The following CDC42BPA variants were observed in gnomAD, a reference collection of about 807,000 sequenced individuals.
CDC42BPA encodes the protein serine/threonine-protein kinase MRCK alpha.
Under a neutral mutation model 223.5 loss-of-function variants are expected in CDC42BPA, and 80 were observed. That is an observed-to-expected ratio of 0.36 (90% CI 0.30 to 0.43). The LOEUF is 0.43. Ranked by LOEUF, CDC42BPA falls within the 20% of genes least tolerant of loss-of-function variation. The pLI is 1.00. For missense variants in CDC42BPA, 1,743 were observed against 2,099.9 expected (o/e 0.83, Z 3.32); for synonymous variants, 694 against 718.6 (o/e 0.97, Z 0.55).
chr1:227,095,589 G>GTTTTTTT (rs35570582), intron 15 of CDC42BPA, among the ~76,000 whole-genome samples: 1 of 127,594 alleles, frequency 7.8e-6, no homozygotes. Context: ...AAGTTCTTTG[G>GTTTTTTT]TTTTTTTTTT....
chr1:227,240,728 C>T (rs1397210430), intron 2 of CDC42BPA, among the ~76,000 whole-genome samples: 1 of 151,356 alleles, frequency 6.6e-6, no homozygotes, highest in Non-Finnish European at 1.5e-5. Flanking sequence ...GATATCACAT[C>T]AGACATGAAT....
intron 1 of CDC42BPA, among the ~76,000 whole-genome samples, chr1:227,290,865 TAGCATAA>T (rs1344376359): frequency 6.6e-6 from 1 of 152,126 alleles, no homozygotes; most frequent in Non-Finnish European, 1.5e-5. Context: ...ACACAAAGTA[TAGCATAA>T]AGCTTTACTA....
At chr1:227,018,808 T>C (rs1344390242) in intron 32 of CDC42BPA, among the ~76,000 whole-genome samples, 2 of 152,216 alleles carry the variant, frequency 1.3e-5, no homozygotes, top group Admixed American at 1.3e-4. Flanking sequence ...CTGTTAAGTG[T>C]GCAACAGTAC....
intron 1 of CDC42BPA, among the ~76,000 whole-genome samples, chr1:227,275,573 T>C (rs906486804): frequency 1.3e-5 from 2 of 151,176 alleles, no homozygotes; most frequent in Admixed American, 6.6e-5. Context: ...ATATTAGAAA[T>C]GAAAAAATGT....
chr1:227,223,956 T>C (rs1676390935), intron 2 of CDC42BPA, among the ~76,000 whole-genome samples: 1 of 152,190 alleles, frequency 6.6e-6, no homozygotes, highest in Admixed American at 6.5e-5. Context: ...TGAGCACGTT[T>C]AAGGTAGGCT....
chr1:227,208,663 T>C (rs1400317932), intron 3 of CDC42BPA, among the ~76,000 whole-genome samples: 4 of 149,244 alleles, frequency 2.7e-5, no homozygotes, highest in Non-Finnish European at 4.5e-5. Context: ...ATCAGATAGT[T>C]GTAGATATGT....
chr1:227,074,172 G>T, intron 18 of CDC42BPA, 87 bp downstream of exon 18: 1 of 1,315,932 alleles, frequency 7.6e-7, no homozygotes, highest in Non-Finnish European at 1.1e-6. Context: ...TAAACAAACT[G>T]ATATAAGTAA....
chr1:227,163,596 T>C (rs963728040), intron 5 of CDC42BPA, among the ~76,000 whole-genome samples: 4 of 152,024 alleles, frequency 2.6e-5, no homozygotes, highest in East Asian at 1.9e-4. Flanking sequence ...GTTGTAAAAA[T>C]TGTGTGTGCA....
intron 1 of CDC42BPA, among the ~76,000 whole-genome samples, chr1:227,297,967 T>TATATATATATATACACACACACACAC (rs369403944): frequency 3.3e-4 from 43 of 132,062 alleles, no homozygotes; most frequent in African/African-American, 1.1e-3. Flanking sequence ...TATATACATA[T>TATATATATATATACACACACACACAC]ACACACACAC....
chr1:227,044,120 A>G (rs1336966731), intron 23 of CDC42BPA, among the ~76,000 whole-genome samples: 1 of 152,224 alleles, frequency 6.6e-6, no homozygotes, highest in African/African-American at 2.4e-5. Flanking sequence ...ATTTCTTCAC[A>G]TGCTTGTTGA....
intron 2 of CDC42BPA, among the ~76,000 whole-genome samples, chr1:227,232,435 C>T (rs1325605785): frequency 6.6e-6 from 1 of 152,130 alleles, no homozygotes; most frequent in Non-Finnish European, 1.5e-5. Context: ...TTTGTCCGTC[C>T]AGCTTTGTTC....
At chr1:227,066,108 C>A (rs1276638356) in intron 21 of CDC42BPA, among the ~76,000 whole-genome samples, 1 of 152,016 alleles carries the variant, frequency 6.6e-6, no homozygotes, top group Non-Finnish European at 1.5e-5. Flanking sequence ...AATCCAAGTG[C>A]AGCCGGGCGT....
chr1:227,240,055 AACT>A (rs1264501849), intron 2 of CDC42BPA, among the ~76,000 whole-genome samples: 2 of 152,134 alleles, frequency 1.3e-5, no homozygotes, highest in African/African-American at 4.8e-5. Flanking sequence ...ATAACAACAA[AACT>A]ACTAAAAAAT....
chr1:226,992,701 TAA>T lies in CDC42BPA; in HGVS notation c.*1565_*1566del, dbSNP rs1180300049. ...TTCTCAGAGAAACTTAGGTGAAAAG[TAA>T]AAGAGAGGCAAAATCTCTTTCCTTC... On this transcript the variant is annotated 3_prime_UTR_variant, in exon 37 of 37. Transcript: ENST00000366766. 1.3e-5 allele frequency: 2 copies of T among 152,276 alleles called. No homozygotes were observed. Among genetic ancestry groups the T allele is most frequent in the African/African-American group, 2.4e-5 (1 of 41,476 alleles). The allele number at this position is 152,276 out of a possible 1,614,324, so 9.4% of individuals were successfully genotyped here. A position where few individuals can be genotyped will look rare whatever the true frequency, so the allele number is the denominator to read the frequency against.
At chr1:227,174,595 C>T (rs1197233593) in intron 5 of CDC42BPA, among the ~76,000 whole-genome samples, 1 of 152,054 alleles carries the variant, frequency 6.6e-6, no homozygotes, top group Non-Finnish European at 1.5e-5. Context: ...ACACTTTACT[C>T]AACCACATTA....
intron 23 of CDC42BPA, among the ~76,000 whole-genome samples, chr1:227,042,990 T>TAC (rs1671700096): frequency 6.6e-6 from 1 of 152,180 alleles, no homozygotes; most frequent in Non-Finnish European, 1.5e-5. Flanking sequence ...TAGAACCAAG[T>TAC]ACAACTCTTG....
intron 35 of CDC42BPA, among the ~76,000 whole-genome samples, chr1:226,997,090 C>T (rs1437578801): frequency 6.6e-6 from 1 of 152,084 alleles, no homozygotes; most frequent in Non-Finnish European, 1.5e-5. Flanking sequence ...CTGGTCCTGC[C>T]TTTTTTTAGC....
intron 1 of CDC42BPA, among the ~76,000 whole-genome samples, chr1:227,273,403 T>TAA (rs777554884): frequency 6.8e-5 from 10 of 147,138 alleles, no homozygotes; most frequent in Non-Finnish European, 1.3e-4. Flanking sequence ...CCATCTCTAC[T>TAA]AAAAAAATAC....
At chr1:227,129,312 G>A (rs1027988057) in intron 10 of CDC42BPA, 81 bp from the exon 11 acceptor site, 4 of 1,023,144 alleles carry the variant, frequency 3.9e-6, no homozygotes, top group South Asian at 3.1e-5. Flanking sequence ...TTTTTGGAGA[G>A]AAATTCTTAT....
Sources: allele counts gnomAD v4.1 joint callset (sites outside exome capture counted in the v4.1 genomes callset), GRCh38; gene constraint gnomAD v4.1.1; transcripts MANE v1.5; gene names NCBI Gene and HGNC (gene_info 2026-07-23, HGNC 2026-07-21).